FRMD4B: variants seen among roughly 807,000 people sequenced by gnomAD.
FRMD4B encodes the protein FERM domain containing 4B, also known as FERM domain-containing protein 4B.
FRMD4B carries 74 observed loss-of-function variants against 141.5 expected under a neutral mutation model. The ratio of observed to expected loss-of-function variants is 0.52; its 90% CI spans 0.43 to 0.63. FRMD4B has a LOEUF of 0.63. Among genes scored for constraint, FRMD4B ranks in the 30% least tolerant of loss-of-function variants. FRMD4B has a pLI of 0.00. For synonymous variants in FRMD4B, 506 were observed against 467.9 expected, an observed-to-expected ratio of 1.08 and a Z score of -1.05; for missense variants, 1,366 against 1,253.4, an observed-to-expected ratio of 1.09 and a Z score of -1.36.
intron 19 of FRMD4B, among the ~76,000 whole-genome samples, chr3:69,186,841 T>G (rs1181927738): frequency 6.6e-6 from 1 of 152,200 alleles, no homozygotes; most frequent in Non-Finnish European, 1.5e-5. Context: ...ACTCAGCCTG[T>G]GTTTGAAAAT....
At chr3:69,525,122 C>A (rs1700913195) in intron 1 of FRMD4B, among the ~76,000 whole-genome samples, 2 of 152,168 alleles carry the variant, frequency 1.3e-5, no homozygotes, top group Admixed American at 6.5e-5. Context: ...GAAAAAGTGA[C>A]CATGAGAGCT....
At chr3:69,325,245 G>A (rs575395722) in intron 1 of FRMD4B, among the ~76,000 whole-genome samples, 1 of 152,316 alleles carries the variant, frequency 6.6e-6, no homozygotes, top group South Asian at 2.1e-4. Flanking sequence ...GCTCCTTTCT[G>A]CCTTACAGAG....
intron 1 of FRMD4B, among the ~76,000 whole-genome samples, chr3:69,364,156 C>A (rs1703566201): frequency 6.6e-6 from 1 of 152,190 alleles, no homozygotes; most frequent in African/African-American, 2.4e-5. Context: ...AACAAGAGAA[C>A]CCACAGGGAG....
At chr3:69,199,705 A>G (rs2092947488) in intron 11 of FRMD4B, among the ~76,000 whole-genome samples, 1 of 152,224 alleles carries the variant, frequency 6.6e-6, no homozygotes, top group Non-Finnish European at 1.5e-5. Flanking sequence ...CAGTGTCTGT[A>G]CACTCTGATA....
chr3:69,444,144 C>G (rs1319035976), intron 1 of FRMD4B, among the ~76,000 whole-genome samples: 1 of 152,136 alleles, frequency 6.6e-6, no homozygotes, highest in Non-Finnish European at 1.5e-5. Context: ...AGCCCCCTGC[C>G]CACCAAACTA....
At position 69,415,533 on chromosome 3, in the gene FRMD4B, A is replaced by G. The variant is rs568926240; in HGVS notation, c.-1+17101T>C. Among the ~76,000 whole-genome samples, 23 of 152,042 alleles carry G rather than the reference A, an allele frequency of 1.5e-4. No homozygotes were observed. In the South Asian group the frequency reaches 4.8e-3, roughly 32 times the overall value. ...CCACTGCACACCCTGTTGCCTCCAT[A>G]TGGAACCCTCAGCCTCTTCTCCCTT... On this transcript the variant is annotated intron_variant, in intron 2 of 5. Coordinates refer to the FRMD4B transcript ENST00000459638.
intron 18 of FRMD4B, 30 bp downstream of exon 18, chr3:69,189,866 T>G (rs976945203): frequency 1.4e-6 from 2 of 1,426,576 alleles, no homozygotes; most frequent in Non-Finnish European, 2.0e-6. Flanking sequence ...TATCTAACAT[T>G]TTTAAACCAA....
intron 2 of FRMD4B, among the ~76,000 whole-genome samples, chr3:69,427,641 A>ATTTTTTTTTT (rs1285387505): frequency 1.3e-4 from 10 of 74,556 alleles, no homozygotes; most frequent in East Asian, 6.6e-4. Context: ...AGCTAGGTAA[A>ATTTTTTTTTT]TGTTTTTTTT....
chr3:69,240,126 T>C (rs938103084), intron 7 of FRMD4B, among the ~76,000 whole-genome samples: 1 of 151,296 alleles, frequency 6.6e-6, no homozygotes, highest in African/African-American at 2.4e-5. Flanking sequence ...TTAAAAATGG[T>C]TGAGATGATA....
At chr3:69,527,289 G>A (rs1299263102) in intron 1 of FRMD4B, among the ~76,000 whole-genome samples, 2 of 152,176 alleles carry the variant, frequency 1.3e-5, no homozygotes, top group African/African-American at 4.8e-5. Context: ...AGACAAAGGT[G>A]AGGAGTCCTT....
rs2092564614 is a variant in FRMD4B, at chr3:69,169,428, G to C, written c.*2433C>G. Among the ~76,000 whole-genome samples the C allele has an allele frequency of 6.7e-6, 1 of 149,076 alleles. No homozygotes were observed. Among genetic ancestry groups the C allele is most frequent in the East Asian group, 2.0e-4 (1 of 5,066 alleles). On this transcript the variant is annotated 3_prime_UTR_variant, in exon 23 of 23. Coordinates refer to ENST00000398540, the MANE Select transcript of FRMD4B (RefSeq NM_015123.3). ...GCTGGAATGCAGTGGCACGATCCTG[G>C]CTCACTGCAACCTCCGCCTCCTGGG...
In FRMD4B at chr3:69,190,586, T is replaced by C. The variant is rs529238993; in HGVS notation, c.1715-634A>G. Among the ~76,000 whole-genome samples the C allele has an allele frequency of 8.5e-5, 13 of 152,254 alleles. No individual in the cohort carries two copies. In the South Asian group the frequency reaches 2.7e-3, roughly 32 times the overall value. ...TGCAGCACCACGCCTGGCTAACTTTTTGGATTTTTAGTAAAGATCAGGTAT... is the reference window on the plus strand; with the variant it reads ...TGCAGCACCACGCCTGGCTAACTTTCTGGATTTTTAGTAAAGATCAGGTAT... On this transcript the variant is annotated intron_variant, in intron 17 of 22. Coordinates refer to ENST00000398540, the MANE Select transcript of FRMD4B (RefSeq NM_015123.3).
At chr3:69,243,774 G>A (rs753448868) in intron 7 of FRMD4B, among the ~76,000 whole-genome samples, 2 of 152,150 alleles carry the variant, frequency 1.3e-5, no homozygotes, top group African/African-American at 4.8e-5. Flanking sequence ...GGCCAGGTAC[G>A]GTGGCTCACG....
intron 7 of FRMD4B, among the ~76,000 whole-genome samples, chr3:69,240,909 T>C (rs1042946597): frequency 3.3e-5 from 5 of 152,148 alleles, no homozygotes; most frequent in South Asian, 4.2e-4. Context: ...TGGAAGTAGT[T>C]CATGTCATGC....
chr3:69,330,275 G>C (rs1169219124), intron 1 of FRMD4B, among the ~76,000 whole-genome samples: 1 of 82,260 alleles, frequency 1.2e-5, no homozygotes, highest in Admixed American at 1.1e-4. Flanking sequence ...TGACTCCTTT[G>C]TCTTTTTTTT....
chr3:69,391,918 GC>G (rs1442838499), intron 2 of FRMD4B, among the ~76,000 whole-genome samples: 1 of 152,182 alleles, frequency 6.6e-6, no homozygotes, highest in Non-Finnish European at 1.5e-5. Flanking sequence ...ATTTCTAAAT[GC>G]TGCTAGGTGG....
At chr3:69,232,091 T>A (rs1320728669) in intron 7 of FRMD4B, among the ~76,000 whole-genome samples, 3 of 152,050 alleles carry the variant, frequency 2.0e-5, no homozygotes, top group Non-Finnish European at 4.4e-5. Context: ...CCAAAAGTAG[T>A]AGGGGAGGTG....
chr3:69,497,050 C>T (rs1284138692), intron 1 of FRMD4B, among the ~76,000 whole-genome samples: 1 of 152,010 alleles, frequency 6.6e-6, no homozygotes. Context: ...TTGTTTTGGT[C>T]AATAGGCTGT....
intron 1 of FRMD4B, among the ~76,000 whole-genome samples, chr3:69,483,291 G>C (rs1706161287): frequency 1.3e-5 from 2 of 152,190 alleles, no homozygotes; most frequent in Admixed American, 6.5e-5. Context: ...TGGCTTCTAA[G>C]GCCTTTGCCA....
Sources: gnomAD v4.1 joint callset for allele counts (sites outside exome capture counted in the v4.1 genomes callset) on GRCh38, gnomAD v4.1.1 for gene constraint, MANE v1.5 for transcripts, NCBI Gene and HGNC (gene_info 2026-07-23, HGNC 2026-07-21) for gene names.